Variants in SUFU observed in about 807,000 individuals in gnomAD.
SUFU encodes SUFU negative regulator of hedgehog signaling.
In SUFU, 7 loss-of-function variants were observed where a neutral mutation model predicts 58.9. The ratio of observed to expected loss-of-function variants is 0.12; its 90% CI spans 0.07 to 0.22. The LOEUF (loss-of-function observed/expected upper bound fraction) is 0.22. Ranked by LOEUF, SUFU falls within the 10% of genes least tolerant of loss-of-function variation. The pLI, the probability that SUFU is intolerant of heterozygous loss-of-function variation, is 1.00. For synonymous variants in SUFU, 232 were observed against 254.8 expected, an observed-to-expected ratio of 0.91 and a Z score of 0.85; for missense variants, 451 against 641.3, an observed-to-expected ratio of 0.70 and a Z score of 3.20.
intron 6 of SUFU, 82 bp downstream of exon 6, chr10:102,594,147 A>T: frequency 7.1e-7 from 1 of 1,399,022 alleles, no homozygotes. Context: ...TCCTGGGAAA[A>T]CAGAGGACCT....
At chr10:102,512,652 G>C (rs2062415111) in intron 2 of SUFU, among the ~76,000 whole-genome samples, 3 of 152,094 alleles carry the variant, frequency 2.0e-5, no homozygotes, top group Non-Finnish European at 2.9e-5. Context: ...CCTCTATTTG[G>C]GTTTTCATGT....
At chr10:102,618,006 G>A (rs1450068764) in intron 10 of SUFU, 4 of 163,038 alleles carry the variant, frequency 2.5e-5, no homozygotes, top group African/African-American at 4.8e-5. Context: ...TTGCTCTTCT[G>A]GCTGGAGCGA....
intron 2 of SUFU, among the ~76,000 whole-genome samples, chr10:102,531,798 G>A (rs896095211): frequency 6.6e-6 from 1 of 152,152 alleles, no homozygotes; most frequent in Admixed American, 6.6e-5. Context: ...GACCAGAAGA[G>A]GGAGTGGGAT....
intron 1 of SUFU, among the ~76,000 whole-genome samples, chr10:102,506,312 T>G (rs183368659): frequency 1.3e-5 from 2 of 152,154 alleles, no homozygotes; most frequent in African/African-American, 4.8e-5. Context: ...GAAAAGGGAT[T>G]ATACAGCACT....
At chr10:102,565,798 G>A (rs1259335661) in intron 3 of SUFU, among the ~76,000 whole-genome samples, 2 of 152,034 alleles carry the variant, frequency 1.3e-5, no homozygotes. Flanking sequence ...TACCCGCCTC[G>A]GCCTCCCAAA....
intron 8 of SUFU, among the ~76,000 whole-genome samples, chr10:102,613,154 C>T (rs2063643983): frequency 6.6e-6 from 1 of 152,240 alleles, no homozygotes; most frequent in Non-Finnish European, 1.5e-5. Flanking sequence ...ACGCGTCACC[C>T]ACTCTCTTTT....
chr10:102,518,434 CTG>C (rs2062498517), intron 2 of SUFU, among the ~76,000 whole-genome samples: 1 of 152,118 alleles, frequency 6.6e-6, no homozygotes, highest in African/African-American at 2.4e-5. Flanking sequence ...ATGATCAAGA[CTG>C]AGTAGAGTTA....
At chr10:102,567,600 C>A (rs932793639) in intron 3 of SUFU, among the ~76,000 whole-genome samples, 1 of 152,204 alleles carries the variant, frequency 6.6e-6, no homozygotes, top group Middle Eastern at 3.4e-3. Context: ...CTCACAGAGC[C>A]CTCTCTCTGG....
chr10:102,560,381 C>A (rs2063024559), intron 3 of SUFU, among the ~76,000 whole-genome samples: 5 of 151,912 alleles, frequency 3.3e-5, no homozygotes, highest in Admixed American at 3.3e-4. Context: ...ACCAGCCTGG[C>A]CAACATGATG....
rs1360855942 is a variant in SUFU at position 102,625,970 on chromosome 10, T to C, written c.1297-1205T>C. Among the ~76,000 whole-genome samples the C allele has an allele frequency of 1.3e-5, 2 of 152,210 alleles. No individual in the cohort carries two copies. Among genetic ancestry groups the C allele is most frequent in the Admixed American group, 1.3e-4 (2 of 15,274 alleles). On this transcript the variant is annotated intron_variant, in intron 10 of 11. Transcript: ENST00000369902. The surrounding 1 kb of genome is among the most constrained non-coding windows in gnomAD (Gnocchi z 4.7). ...TTTTTCAAGTTCTCAATTCTCCTCC[T>C]CACAGGGAGGGTTTCCCCTCAGAGG...
At chr10:102,514,705 C>T (rs1352422978) in intron 2 of SUFU, among the ~76,000 whole-genome samples, 1 of 152,206 alleles carries the variant, frequency 6.6e-6, no homozygotes, top group Non-Finnish European at 1.5e-5. Context: ...CCTTCATGGC[C>T]AGCTAGCTGT....
chr10:102,507,848 A>G (rs2062347482), intron 1 of SUFU, among the ~76,000 whole-genome samples: 1 of 152,150 alleles, frequency 6.6e-6, no homozygotes, highest in Non-Finnish European at 1.5e-5. Flanking sequence ...AGTCTGTGGA[A>G]TGGTCAGATG....
In SUFU at chr10:102,617,205, C is replaced by G; in HGVS notation, c.1158-85C>G. ...CCTGGCCCGCGGACCATAGTCCCCA[C>G]TGTCCCAGAGCCTTGGCCAGGCCTG... On this transcript the variant is annotated intron_variant, in intron 9 of 11. Transcript: ENST00000369902. This position sits in a 1 kb window ranked among gnomAD's most constrained non-coding sequence, Gnocchi z 4.4. 1 of 1,593,718 alleles carries G rather than the reference C, an allele frequency of 6.3e-7. No individual in the cohort carries two copies. The highest frequency in any genetic ancestry group is 2.2e-5 in the East Asian group (1 of 44,788).
At chr10:102,555,075 T>TG (rs1441723267) in intron 3 of SUFU, among the ~76,000 whole-genome samples, 1 of 152,048 alleles carries the variant, frequency 6.6e-6, no homozygotes, top group East Asian at 1.9e-4. Context: ...AAGACCATCC[T>TG]GGCTAACACA....
chr10:102,515,315 C>CTT lies in SUFU; in HGVS notation c.317+6030_317+6031dup, dbSNP rs35257917. On this transcript the variant is annotated intron_variant, in intron 2 of 11. Coordinates refer to ENST00000369902, the MANE Select transcript of SUFU (RefSeq NM_016169.4). ...CTCCTCAAAGCTTAGTTTGCCGGAA[C>CTT]TTTTTTTTTTTTTTTTTTTGAGACG... 1.9e-3 allele frequency among the ~76,000 whole-genome samples: 241 copies of CTT among 130,198 alleles called. 2 individuals carry two copies. Among genetic ancestry groups the CTT allele is most frequent in the Middle Eastern group, 8.7e-3 (2 of 230 alleles). 85.4% of individuals were successfully genotyped at this position (130,198 alleles called of 152,430 possible).
intron 3 of SUFU, among the ~76,000 whole-genome samples, chr10:102,569,240 C>T (rs2063137202): frequency 6.6e-6 from 1 of 152,040 alleles, no homozygotes; most frequent in South Asian, 2.1e-4. Flanking sequence ...GGTGATTCCA[C>T]TAGGCAGGGT....
intron 2 of SUFU, among the ~76,000 whole-genome samples, chr10:102,510,682 G>T (rs2062390349): frequency 6.6e-6 from 1 of 151,966 alleles, no homozygotes; most frequent in South Asian, 2.1e-4. Flanking sequence ...AATTAGCCAG[G>T]CATGGTAGCA....
chr10:102,613,896 C>A (rs1484307957), intron 8 of SUFU, among the ~76,000 whole-genome samples: 2 of 152,218 alleles, frequency 1.3e-5, no homozygotes, highest in African/African-American at 4.8e-5. Flanking sequence ...GCTCACCGTG[C>A]CAAGGCCACA....
intron 3 of SUFU, among the ~76,000 whole-genome samples, chr10:102,569,361 G>A (rs995051202): frequency 1.3e-5 from 2 of 152,074 alleles, no homozygotes; most frequent in African/African-American, 4.8e-5. Flanking sequence ...TAAGACACAG[G>A]ACTCTTCCCA....
Sources: allele counts gnomAD v4.1 joint callset (sites outside exome capture counted in the v4.1 genomes callset), GRCh38; gene constraint gnomAD v4.1.1; non-coding constraint Gnocchi (gnomAD v3.1); transcripts MANE v1.5; gene names NCBI Gene and HGNC (gene_info 2026-07-23, HGNC 2026-07-21).